Variants in VCAN observed in about 807,000 individuals in gnomAD.
VCAN encodes the protein versican.
Under a neutral mutation model 245.5 loss-of-function variants are expected in VCAN, and 44 were observed. The observed-to-expected ratio is 0.18, with a 90% CI of 0.14 to 0.23. VCAN has a LOEUF of 0.23. Ranked by LOEUF, VCAN falls within the 10% of genes least tolerant of loss-of-function variation. VCAN has a pLI of 1.00. For synonymous variants in VCAN, 1,413 were observed against 1,437.0 expected, an observed-to-expected ratio of 0.98 and a Z score of 0.38; for missense variants, 3,793 against 4,057.9, an observed-to-expected ratio of 0.93 and a Z score of 1.77.
Position 83,490,314 on chromosome 5 carries a change from A to T in VCAN, c.287A>T (p.Asp96Val). Reference sequence around the variant, plus strand: ...AATGGAAATATCAAGATTGGTCAGGACTACAAAGGGAGAGTGTCTGTGCCC... The same window carrying T: ...AATGGAAATATCAAGATTGGTCAGGTCTACAAAGGGAGAGTGTCTGTGCCC... Reference protein sequence around the residue: ...AQNGNIKIGQDYKGRVSVPTH... With the variant: ...AQNGNIKIGQVYKGRVSVPTH... The change falls in exon 3 of 15, where the codon GAC becomes GTC. Residue 96 changes from aspartate to valine, a missense_variant. Around this residue, in one of 5 missense-constraint regions of VCAN, gnomAD observed 179 missense variants for 169.7 expected, o/e 1.05. Transcript: ENST00000265077. The T allele has an allele frequency of 6.2e-7, 1 of 1,614,206 alleles. No individual in the cohort carries two copies. The highest frequency in any genetic ancestry group is 8.5e-7 in the Non-Finnish European group (1 of 1,180,028).
intron 5 of VCAN, among the ~76,000 whole-genome samples, chr5:83,502,134 G>A (rs765350242): frequency 3.9e-5 from 6 of 152,080 alleles, no homozygotes; most frequent in Admixed American, 3.3e-4. Flanking sequence ...TATAGGTCTT[G>A]TATCTTGCAA....
At chr5:83,513,346 A>T (rs1009448543) in intron 6 of VCAN, among the ~76,000 whole-genome samples, 1 of 152,210 alleles carries the variant, frequency 6.6e-6, no homozygotes, top group African/African-American at 2.4e-5. Flanking sequence ...TTGTTATAGC[A>T]ATATGTCTCT....
At chr5:83,494,437 A>G (rs549845856) in intron 5 of VCAN, among the ~76,000 whole-genome samples, 1 of 152,350 alleles carries the variant, frequency 6.6e-6, no homozygotes, top group East Asian at 1.9e-4. Flanking sequence ...TCAATACGTT[A>G]AACCAGTTAA....
chr5:83,511,962 C>T, intron 5 of VCAN, 141 bp from the exon 6 acceptor site: 1 of 999,074 alleles, frequency 1.0e-6, no homozygotes, highest in East Asian at 2.5e-5. Context: ...ATTATCTTTT[C>T]TGCTTTAAAG....
At chr5:83,578,303 G>T (rs1748549880) in intron 13 of VCAN, among the ~76,000 whole-genome samples, 1 of 152,006 alleles carries the variant, frequency 6.6e-6, no homozygotes, top group African/African-American at 2.4e-5. Flanking sequence ...GACACAAAGA[G>T]GGGAAAAACA....
At chr5:83,472,406 T>G (rs189562141) in intron 1 of VCAN, among the ~76,000 whole-genome samples, 222 of 152,238 alleles carry the variant, frequency 1.5e-3, no homozygotes, top group Non-Finnish European at 2.5e-3. Context: ...TTGTTGTTGT[T>G]CTTAACACGC....
chr5:83,474,664 A>G (rs1200105432), intron 1 of VCAN, among the ~76,000 whole-genome samples: 1 of 152,100 alleles, frequency 6.6e-6, no homozygotes, highest in South Asian at 2.1e-4. Flanking sequence ...ACAGCCGCAC[A>G]GGCGGCCGGC....
chr5:83,550,227 A>T (rs1747407495), intron 10 of VCAN, among the ~76,000 whole-genome samples: 1 of 152,208 alleles, frequency 6.6e-6, no homozygotes, highest in Non-Finnish European at 1.5e-5. Context: ...CATCAAAAGA[A>T]TAAATTTTTG....
chr5:83,568,136 T>G (rs930772653), intron 12 of VCAN, among the ~76,000 whole-genome samples: 1 of 152,196 alleles, frequency 6.6e-6, no homozygotes, highest in Admixed American at 6.5e-5. Context: ...AAAGTTAATT[T>G]TTTTTTTATA....
intron 6 of VCAN, among the ~76,000 whole-genome samples, chr5:83,518,784 A>G (rs1252152805): frequency 1.3e-5 from 2 of 152,198 alleles, no homozygotes; most frequent in Admixed American, 6.5e-5. Context: ...ATTATGGACA[A>G]TGTAATGGTT....
Position 83,570,343 on chromosome 5 carries a change from T to A in VCAN, c.9736-2073T>A, listed in dbSNP as rs1580077375. On this transcript the variant is annotated intron_variant, in intron 12 of 14. Transcript: ENST00000265077. ...TTATCACTCTTCAAACAGTCTTTTT[T>A]ACATAGCAGTGATCTCTTGTCTCAT... 2.0e-5 allele frequency among the ~76,000 whole-genome samples: 3 copies of A among 152,310 alleles called. No homozygotes were observed. The East Asian group carries it at 5.8e-4, about 29-fold the overall frequency.
In VCAN at chr5:83,580,378, A is replaced by C. The variant is rs769106432; in HGVS notation, c.10135A>C (p.Asn3379His). 6.2e-7 allele frequency: 1 copy of C among 1,613,996 alleles called. No individual in the cohort carries two copies. Among genetic ancestry groups the C allele is most frequent in the East Asian group, 2.2e-5 (1 of 44,870 alleles). ...NSSSAKDNSI[N>H]TSKHDHRWSR... is the part of the protein sequence containing the mutation. ...CTCATCAGCAAAGGACAATTCAATA[A>C]ATACATCCAAACATGATCATCGTTG... Residue 3379 changes from asparagine to histidine, a missense_variant, in exon 15 of 15, where the codon AAT (asparagine) becomes CAT (histidine). This residue lies in a region of VCAN where 37 missense variants were observed against 28.2 expected (regional missense o/e 1.31). Transcript: ENST00000265077.
At position 83,545,603 on chromosome 5, in the gene VCAN, A is replaced by G. The variant is rs749544746; in HGVS notation, c.9332A>G (p.Tyr3111Cys). ...GGTCYPTETS[Y>C]VCTCVPGYSG... ...ACCTGTTATCCTACTGAAACTTCCT[A>G]CGTATGCACCTGTGTGCCAGGATAC... is the stretch of plus-strand genomic sequence containing the variant. The change falls in exon 9 of 15, where the codon TAC becomes TGC. Residue 3111 changes from tyrosine to cysteine, a missense_variant. Tyr to Cys is a radical substitution (Grantham distance 194, BLOSUM62 -2). Coordinates refer to ENST00000265077, the MANE Select transcript of VCAN (RefSeq NM_004385.5). 1.2e-6 allele frequency: 2 copies of G among 1,614,114 alleles called. No homozygotes were observed. The highest frequency in any genetic ancestry group is 1.1e-5 in the South Asian group (1 of 91,074).
At chr5:83,565,813 C>T (rs929741936) in intron 12 of VCAN, among the ~76,000 whole-genome samples, 1 of 152,022 alleles carries the variant, frequency 6.6e-6, no homozygotes, top group Non-Finnish European at 1.5e-5. Context: ...TTGACTGTGA[C>T]AGCAGTAACT....
At chr5:83,547,860 G>A (rs1420593669) in intron 9 of VCAN, 111 bp from the exon 10 acceptor site, 2 of 812,970 alleles carry the variant, frequency 2.5e-6, no homozygotes, top group Non-Finnish European at 4.2e-6. Flanking sequence ...TTTAAAATCT[G>A]AAATTCAAAT....
At chr5:83,566,057 G>A (rs568409175) in intron 12 of VCAN, among the ~76,000 whole-genome samples, 58 of 47,218 alleles carry the variant, frequency 1.2e-3, no homozygotes, top group African/African-American at 7.5e-3. Flanking sequence ...TCCGCCTCCC[G>A]GGTTAAGTGA....
intron 7 of VCAN, among the ~76,000 whole-genome samples, chr5:83,525,966 GT>G (rs2112420016): frequency 6.6e-6 from 1 of 151,712 alleles, no homozygotes; most frequent in South Asian, 2.1e-4. Context: ...TTGCGACGGA[GT>G]CTTGCTCTGT....
At chr5:83,509,286 C>T (rs1339527490) in intron 5 of VCAN, among the ~76,000 whole-genome samples, 1 of 152,172 alleles carries the variant, frequency 6.6e-6, no homozygotes, top group African/African-American at 2.4e-5. Context: ...ATGAAAAGTT[C>T]TATAAGTAGG....
At chr5:83,570,910 TTCTC>T (rs1409823739) in intron 12 of VCAN, among the ~76,000 whole-genome samples, 1 of 152,094 alleles carries the variant, frequency 6.6e-6, no homozygotes, top group African/African-American at 2.4e-5. Flanking sequence ...TTTATTCTCT[TTCTC>T]TTTGCCAAAT....
Sources: allele counts gnomAD v4.1 joint callset (sites outside exome capture counted in the v4.1 genomes callset), GRCh38; gene constraint gnomAD v4.1.1; regional missense constraint gnomAD v4.1.1; transcripts MANE v1.5; gene names NCBI Gene and HGNC (gene_info 2026-07-23, HGNC 2026-07-21).